PHACTR2: variants seen among roughly 807,000 people sequenced by gnomAD.
The protein encoded by PHACTR2 is phosphatase and actin regulator 2.
Under a neutral mutation model 76.0 loss-of-function variants are expected in PHACTR2, and 30 were observed. The observed-to-expected ratio is 0.39, with a 90% CI of 0.30 to 0.54. The LOEUF (loss-of-function observed/expected upper bound fraction) is 0.54, where lower values mean the gene tolerates loss of function less well. PHACTR2 is among the 20% of genes least tolerant of loss of function. The probability of loss-of-function intolerance (pLI) is 0.61; values close to 1 mark genes in which losing one functional copy is unlikely to be tolerated. For missense variants in PHACTR2, 696 were observed against 781.1 expected, an observed-to-expected ratio of 0.89 and a Z score of 1.30; for synonymous variants, 292 against 292.5, an observed-to-expected ratio of 1.00 and a Z score of 0.02.
chr6:143,602,699 T>C lies in PHACTR2; in HGVS notation c.217+65492T>C, dbSNP rs995199429. 4.6e-5 allele frequency among the ~76,000 whole-genome samples: 7 copies of C among 152,216 alleles called. No individual in the cohort carries two copies. The highest frequency in any genetic ancestry group is 4.6e-4 in the Admixed American group (7 of 15,278). ...CTATGTGTTTGGAGCAGTGGGGTGTTGTCCAAGTGTGGATTCACCAAACCA... is the reference window on the plus strand; with the variant it reads ...CTATGTGTTTGGAGCAGTGGGGTGTCGTCCAAGTGTGGATTCACCAAACCA... On this transcript the variant is annotated intron_variant, in intron 1 of 11. Coordinates refer to the PHACTR2 transcript ENST00000367584. The surrounding 1 kb of genome is among the most constrained non-coding windows in gnomAD (Gnocchi z 6.1).
intron 1 of PHACTR2, among the ~76,000 whole-genome samples, chr6:143,620,267 A>G (rs1028945785): frequency 1.3e-5 from 2 of 152,164 alleles, no homozygotes; most frequent in African/African-American, 4.8e-5. Context: ...GGTGTCTCTT[A>G]TACTAACAGA....
rs565612891 is a variant in PHACTR2, at chr6:143,641,145, G to T, written c.13+32823G>T. 3.9e-4 allele frequency among the ~76,000 whole-genome samples: 60 copies of T among 152,086 alleles called. No individual in the cohort carries two copies. The highest frequency in any genetic ancestry group is 6.2e-4 in the South Asian group (3 of 4,826). ...GAAGGGCAAAGAGAGAGCAAGAGGGGGTTCAAACTTGCCATTTTATCGCAA... is the reference window on the plus strand; with the variant it reads ...GAAGGGCAAAGAGAGAGCAAGAGGGTGTTCAAACTTGCCATTTTATCGCAA... On this transcript the variant is annotated intron_variant, in intron 1 of 11. Transcript: ENST00000305766. This position sits in a 1 kb window ranked among gnomAD's most constrained non-coding sequence, Gnocchi z 5.8.
chr6:143,594,644 A>G (rs1046837795), intron 1 of PHACTR2, among the ~76,000 whole-genome samples: 20 of 152,252 alleles, frequency 1.3e-4, no homozygotes, highest in Non-Finnish European at 4.4e-5. Context: ...GAAGTGAAGT[A>G]AGGAATGCCC....
In PHACTR2 at chr6:143,617,353, T is replaced by C. The variant is rs929287055; in HGVS notation, c.13+9031T>C. Among the ~76,000 whole-genome samples the C allele has an allele frequency of 3.9e-5, 6 of 152,162 alleles. No homozygotes were observed. The highest frequency in any genetic ancestry group is 8.8e-5 in the Non-Finnish European group (6 of 68,028). ...TTCCCTTCCCAACCAGATTTAAAAG[T>C]CTTGAGGGCAGATGCCACATCATAG... On this transcript the variant is annotated intron_variant, in intron 1 of 11. Coordinates refer to the PHACTR2 transcript ENST00000305766. This position sits in a 1 kb window ranked among gnomAD's most constrained non-coding sequence, Gnocchi z 4.8.
rs1296691109 is a variant in PHACTR2 at position 143,742,116 on chromosome 6, A to C, written c.215-6869A>C. Among the ~76,000 whole-genome samples, 1 of 152,050 alleles carries C rather than the reference A, an allele frequency of 6.6e-6. No homozygotes were observed. Among genetic ancestry groups the C allele is most frequent in the Non-Finnish European group, 1.5e-5 (1 of 68,006 alleles). On this transcript the variant is annotated intron_variant, in intron 2 of 12. Coordinates refer to ENST00000440869, the MANE Select transcript of PHACTR2 (RefSeq NM_001100164.2). This position sits in a 1 kb window ranked among gnomAD's most constrained non-coding sequence, Gnocchi z 4.5. ...GTGAAACTCCATCTCAAAAAAAAAAAACAACAACATTTATTTGATACTTTT... is the reference window on the plus strand; with the variant it reads ...GTGAAACTCCATCTCAAAAAAAAAACACAACAACATTTATTTGATACTTTT...
intron 5 of PHACTR2, among the ~76,000 whole-genome samples, chr6:143,762,629 T>C (rs7770737): frequency 0.15 from 23,578 of 152,222 alleles, 2,318 homozygotes; most frequent in East Asian, 0.35. Flanking sequence ...TTGAATAATA[T>C]GGACCTTCTA....
intron 1 of PHACTR2, among the ~76,000 whole-genome samples, chr6:143,601,473 C>T (rs1775814154): frequency 1.3e-5 from 2 of 152,310 alleles, no homozygotes; most frequent in South Asian, 4.1e-4. Context: ...GGCTAAGGCA[C>T]ACTAGACTGA....
At position 143,754,069 on chromosome 6, in the gene PHACTR2, TC is replaced by T. The variant is rs748761780; in HGVS notation, c.454+158del. Reference sequence around the variant, plus strand: ...AGAAATGATAACTAGTAAAGTGAAATCGGATGATTTTCTCAGGTAGATGCAT... The same window carrying T: ...AGAAATGATAACTAGTAAAGTGAAATGGATGATTTTCTCAGGTAGATGCAT... On this transcript the variant is annotated intron_variant, in intron 4 of 12. Coordinates refer to ENST00000440869, the MANE Select transcript of PHACTR2 (RefSeq NM_001100164.2). This position sits in a 1 kb window ranked among gnomAD's most constrained non-coding sequence, Gnocchi z 6.2. 2.3e-6 allele frequency: 1 copy of T among 440,908 alleles called. No individual in the cohort carries two copies. Among genetic ancestry groups the T allele is most frequent in the Non-Finnish European group, 4.0e-6 (1 of 250,882 alleles). The allele number at this position is 440,908 out of a possible 1,614,324, so 27.3% of individuals were successfully genotyped here.
chr6:143,606,040 T>C, upstream of PHACTR2, among the ~76,000 whole-genome samples: 1 of 152,164 alleles, frequency 6.6e-6, no homozygotes, highest in East Asian at 1.9e-4. Context: ...TCAGTTGTGT[T>C]TCAGAATTCA....
In PHACTR2 at chr6:143,543,432, C is replaced by T. The variant is rs1014294854; in HGVS notation, c.217+6225C>T. 5.3e-5 allele frequency among the ~76,000 whole-genome samples: 8 copies of T among 152,126 alleles called. No homozygotes were observed. Among genetic ancestry groups the T allele is most frequent in the Non-Finnish European group, 8.8e-5 (6 of 68,012 alleles). On this transcript the variant is annotated intron_variant, in intron 1 of 11. Transcript: ENST00000367584. The surrounding 1 kb of genome is among the most constrained non-coding windows in gnomAD (Gnocchi z 4.7). Reference sequence around the variant, plus strand: ...CACAGTTTAGTGGGGAAAGACAGGCCAATAAGCCAAAGACCACAGTGCAAT... The same window carrying T: ...CACAGTTTAGTGGGGAAAGACAGGCTAATAAGCCAAAGACCACAGTGCAAT...
rs1775037806 is a variant in PHACTR2, at chr6:143,548,155, A to G, written c.217+10948A>G. On this transcript the variant is annotated intron_variant, in intron 1 of 11. Coordinates refer to the PHACTR2 transcript ENST00000367584. The surrounding 1 kb of genome is among the most constrained non-coding windows in gnomAD (Gnocchi z 4.5). Reference sequence around the variant, plus strand: ...GGCGAGGGCCTGCTTCCTGGTTCATAGATGGCCATCTTCTTGCTGTGTCCT... The same window carrying G: ...GGCGAGGGCCTGCTTCCTGGTTCATGGATGGCCATCTTCTTGCTGTGTCCT... Among the ~76,000 whole-genome samples, 1 of 152,220 alleles carries G rather than the reference A, an allele frequency of 6.6e-6. No homozygotes were observed. The highest frequency in any genetic ancestry group is 1.5e-5 in the Non-Finnish European group (1 of 68,052).
rs2128446873 is a variant in PHACTR2 at position 143,654,523 on chromosome 6, G to A, written c.13+46201G>A. 6.6e-6 allele frequency among the ~76,000 whole-genome samples: 1 copy of A among 152,142 alleles called. No individual in the cohort carries two copies. Among genetic ancestry groups the A allele is most frequent in the Admixed American group, 6.5e-5 (1 of 15,288 alleles). Reference sequence around the variant, plus strand: ...TTATTTGCCAATTAAAAAAAATAAAGGCTGGATACTGTGGCTCACACCTGT... The same window carrying A: ...TTATTTGCCAATTAAAAAAAATAAAAGCTGGATACTGTGGCTCACACCTGT... On this transcript the variant is annotated intron_variant, in intron 1 of 11. Coordinates refer to the PHACTR2 transcript ENST00000305766. The surrounding 1 kb of genome is among the most constrained non-coding windows in gnomAD (Gnocchi z 4.6).
upstream of PHACTR2, among the ~76,000 whole-genome samples, chr6:143,677,064 A>AT (rs1777262840): frequency 6.6e-6 from 1 of 151,954 alleles, no homozygotes; most frequent in African/African-American, 2.4e-5. Context: ...ACTTTCTGAT[A>AT]TTTTTTACAT....
chr6:143,785,199 G>A (rs1385909875), intron 10 of PHACTR2, among the ~76,000 whole-genome samples: 2 of 152,210 alleles, frequency 1.3e-5, no homozygotes, highest in African/African-American at 2.4e-5. Flanking sequence ...TAAAATGCGG[G>A]TACAGGCATT....
intron 1 of PHACTR2, among the ~76,000 whole-genome samples, chr6:143,615,347 A>G (rs1776043078): frequency 6.6e-6 from 1 of 152,172 alleles, no homozygotes; most frequent in Non-Finnish European, 1.5e-5. Context: ...GGCTGTAGTA[A>G]GTGTATAGTA....
rs1421153150 is a variant in PHACTR2, at chr6:143,679,024, C to T, written c.46+815C>T. Among the ~76,000 whole-genome samples the T allele has an allele frequency of 6.6e-6, 1 of 151,542 alleles. No individual in the cohort carries two copies. Among genetic ancestry groups the T allele is most frequent in the Non-Finnish European group, 1.5e-5 (1 of 67,946 alleles). On this transcript the variant is annotated intron_variant, in intron 1 of 12. Transcript: ENST00000440869. This position sits in a 1 kb window ranked among gnomAD's most constrained non-coding sequence, Gnocchi z 4.6. ...AAAAGGTACTATTTTGATATTTTTC[C>T]ATCAACGATTAAAAATAAATAATAC...
chr6:143,756,424 C>T (rs997456972), intron 4 of PHACTR2, among the ~76,000 whole-genome samples: 15 of 151,180 alleles, frequency 9.9e-5, no homozygotes, highest in Admixed American at 3.3e-4. Context: ...GGCCGGGCGC[C>T]GTGGCTCACG....
chr6:143,612,553 T>G (rs9496705), intron 1 of PHACTR2, among the ~76,000 whole-genome samples: 8,673 of 152,284 alleles, frequency 0.057, 683 homozygotes, highest in African/African-American at 0.17. Context: ...CTCTTGGTCT[T>G]ACTATCTATA....
At position 143,818,713 on chromosome 6, in the gene PHACTR2, A is replaced by G. The variant is rs1252349522; in HGVS notation, c.1923-4961A>G. 6.6e-6 allele frequency among the ~76,000 whole-genome samples: 1 copy of G among 152,152 alleles called. No individual in the cohort carries two copies. Among genetic ancestry groups the G allele is most frequent in the Non-Finnish European group, 1.5e-5 (1 of 68,026 alleles). ...GAGTGCCGAGTGCAGGGAGAAGCCCAATCAGATCTCGTGAGTACTCACTGT... is the reference window on the plus strand; with the variant it reads ...GAGTGCCGAGTGCAGGGAGAAGCCCGATCAGATCTCGTGAGTACTCACTGT... On this transcript the variant is annotated intron_variant, in intron 12 of 12. Transcript: ENST00000440869. This position sits in a 1 kb window ranked among gnomAD's most constrained non-coding sequence, Gnocchi z 4.9.
Sources: gnomAD v4.1 joint callset for allele counts (sites outside exome capture counted in the v4.1 genomes callset) on GRCh38, gnomAD v4.1.1 for gene constraint, Gnocchi (gnomAD v3.1) non-coding constraint, MANE v1.5 for transcripts, NCBI Gene and HGNC (gene_info 2026-07-23, HGNC 2026-07-21) for gene names.